UTP20: variants seen among roughly 807,000 people sequenced by gnomAD.
The protein encoded by UTP20 is UTP20 small subunit processome component.
A neutral mutation model predicts 329.5 loss-of-function variants in UTP20; 164 were observed. The ratio of observed to expected loss-of-function variants is 0.50; its 90% CI spans 0.44 to 0.57. UTP20 has a LOEUF of 0.57. Ranked by LOEUF, UTP20 falls within the 20% of genes least tolerant of loss-of-function variation. The pLI, the probability that UTP20 is intolerant of heterozygous loss-of-function variation, is 0.00. For missense variants in UTP20, 3,055 were observed against 3,284.2 expected (o/e 0.93, Z 1.71); for synonymous variants, 1,151 against 1,159.3 (o/e 0.99, Z 0.14).
chr12:101,335,193 A>G (rs1357929619), intron 29 of UTP20, among the ~76,000 whole-genome samples: 1 of 152,176 alleles, frequency 6.6e-6, no homozygotes, highest in African/African-American at 2.4e-5. Context: ...TGAATTTTTT[A>G]TAATAATTAA....
chr12:101,365,856 T>G (rs1427304310), intron 46 of UTP20, among the ~76,000 whole-genome samples: 3 of 152,224 alleles, frequency 2.0e-5, no homozygotes, highest in Non-Finnish European at 4.4e-5. Context: ...TAAAAAGATT[T>G]ATTGATTCAA....
intron 39 of UTP20, 108 bp from the exon 40 acceptor site, chr12:101,352,939 T>A: frequency 1.9e-6 from 1 of 518,580 alleles, no homozygotes. Context: ...TTAAAAATAC[T>A]AATAAAAATA....
intron 35 of UTP20, 136 bp from the exon 36 acceptor site, chr12:101,344,459 T>G: frequency 1.6e-6 from 1 of 620,042 alleles, no homozygotes; most frequent in Non-Finnish European, 2.9e-6. Flanking sequence ...AGGTTTGAAA[T>G]ATTTGTGGGA....
At chr12:101,332,353 A>G (rs1045171203) in intron 27 of UTP20, among the ~76,000 whole-genome samples, 3 of 152,136 alleles carry the variant, frequency 2.0e-5, no homozygotes, top group Non-Finnish European at 4.4e-5. Context: ...GAAAAAAAAG[A>G]AATGTCTTTC....
intron 37 of UTP20, among the ~76,000 whole-genome samples, 181 bp from the exon 38 acceptor site, chr12:101,346,270 T>C (rs1407127719): frequency 6.6e-6 from 1 of 152,166 alleles, no homozygotes; most frequent in Non-Finnish European, 1.5e-5. Flanking sequence ...AGGCTGGTCT[T>C]GAACTCCCGA....
rs765831137 is a variant in UTP20 at position 101,338,114 on chromosome 12, T to G, written c.3705T>G (p.Val1235=). 6 of 1,614,172 alleles carry G rather than the reference T, an allele frequency of 3.7e-6. No individual in the cohort carries two copies. The South Asian group carries it at 4.4e-5, about 12-fold the overall frequency. The change falls in exon 30 of 62, where the codon GTT becomes GTG. Residue 1235 remains valine, a synonymous_variant. Transcript: ENST00000261637. The part of the protein sequence containing the change: ...GHPECDILTN[V]FAILSAKNLS... ...CAGAATGTGATATCCTGACCAATGT[T>G]TTTGCAATTCTCTCAGCGAAGAATC... is the stretch of plus-strand genomic sequence containing the variant.
intron 45 of UTP20, 60 bp from the exon 46 acceptor site, chr12:101,365,399 A>G (rs770105811): frequency 7.6e-7 from 1 of 1,309,582 alleles, no homozygotes; most frequent in African/African-American, 1.5e-5. Flanking sequence ...AACTGCCATT[A>G]TGACAAATCA....
At chr12:101,351,998 C>T in intron 38 of UTP20, 57 bp from the exon 39 acceptor site, 1 of 1,591,450 alleles carries the variant, frequency 6.3e-7, no homozygotes, top group Non-Finnish European at 8.6e-7. Context: ...CTGAGTTAGC[C>T]TTGCATTTTA....
intron 60 of UTP20, among the ~76,000 whole-genome samples, chr12:101,384,852 A>G (rs1413297145): frequency 6.6e-6 from 1 of 152,310 alleles, no homozygotes; most frequent in Non-Finnish European, 1.5e-5. Context: ...GGCTGCTGAC[A>G]AAAGCAGGTT....
At position 101,362,866 on chromosome 12, in the gene UTP20, C is replaced by T. The variant is rs912715531; in HGVS notation, c.5791-710C>T. 7.5e-5 allele frequency among the ~76,000 whole-genome samples: 10 copies of T among 132,748 alleles called. 3 individuals carry two copies. Among genetic ancestry groups the T allele is most frequent in the Admixed American group, 5.6e-4 (8 of 14,236 alleles). The allele number at this position is 132,748 out of a possible 152,430, so 87.1% of individuals were successfully genotyped here. A position where few individuals can be genotyped will look rare whatever the true frequency, so the allele number is the denominator to read the frequency against. ...ATTTACGTTAGGCCAGGCACAATGG[C>T]TCACACCTGTAATCCCAGCACTTTG... On this transcript the variant is annotated intron_variant, in intron 44 of 61. Coordinates refer to ENST00000261637, the MANE Select transcript of UTP20 (RefSeq NM_014503.3).
chr12:101,326,401 C>G (rs1868558617), intron 25 of UTP20, among the ~76,000 whole-genome samples: 1 of 152,188 alleles, frequency 6.6e-6, no homozygotes, highest in Admixed American at 6.5e-5. Context: ...AACTTCATAG[C>G]ATAGAAATTA....
chr12:101,288,056 A>AT (rs1872016738), intron 5 of UTP20, among the ~76,000 whole-genome samples: 1 of 152,140 alleles, frequency 6.6e-6, no homozygotes, highest in Admixed American at 6.5e-5. Context: ...ATCCCTTGCC[A>AT]TTTTGCCTCT....
At position 101,362,001 on chromosome 12, in the gene UTP20, G is replaced by T; in HGVS notation, c.5731G>T (p.Gly1911Cys). 1 of 1,613,700 alleles carries T rather than the reference G, an allele frequency of 6.2e-7. No homozygotes were observed. Among genetic ancestry groups the T allele is most frequent in the Non-Finnish European group, 8.5e-7 (1 of 1,179,796 alleles). The change falls in exon 44 of 62, where the codon GGC becomes TGC. Residue 1911 changes from glycine (G) to cysteine (C), a missense_variant. By Grantham distance (159) the Gly-to-Cys change is radical. This residue lies in a region of UTP20 where 2,445 missense variants were observed against 2,575.5 expected (regional missense o/e 0.95). Transcript: ENST00000261637. ...LTFTVHMLLQGLTNKLQVGDL... is the reference protein window; with the variant it reads ...LTFTVHMLLQCLTNKLQVGDL... The stretch of plus-strand genomic sequence containing the variant: ...TTTCACCGTTCACATGCTGCTGCAA[G>T]GCCTCACCAATAAGCTGCAGGTCGG...
intron 21 of UTP20, 62 bp downstream of exon 21, chr12:101,312,338 A>G (rs1872820458): frequency 4.4e-6 from 7 of 1,573,962 alleles, no homozygotes; most frequent in African/African-American, 1.4e-5. Flanking sequence ...TGTGAGAAGT[A>G]TTAACCTCCC....
At chr12:101,366,447 A>G in intron 46 of UTP20, 111 bp from the exon 47 acceptor site, 1 of 1,376,596 alleles carries the variant, frequency 7.3e-7, no homozygotes, top group Non-Finnish European at 9.9e-7. Flanking sequence ...ACCCAAGCAA[A>G]TGGCACATTA....
At chr12:101,354,280 A>AAAG (rs1555201664) in intron 40 of UTP20, among the ~76,000 whole-genome samples, 2,358 of 133,810 alleles carry the variant, frequency 0.018, 60 homozygotes, top group African/African-American at 0.077. Flanking sequence ...AAAAAAAAAA[A>AAAG]AAAAGAAAAG....
intron 29 of UTP20, among the ~76,000 whole-genome samples, chr12:101,336,929 G>A (rs1423814944): frequency 6.6e-6 from 1 of 152,196 alleles, no homozygotes; most frequent in Admixed American, 6.5e-5. Flanking sequence ...TATCTGAATG[G>A]GCTCTTGCTA....
chr12:101,335,570 A>G (rs994772636), intron 29 of UTP20, among the ~76,000 whole-genome samples: 1 of 152,196 alleles, frequency 6.6e-6, no homozygotes, highest in Non-Finnish European at 1.5e-5. Flanking sequence ...TTTCTAGACC[A>G]TTGTCTTCTT....
At chr12:101,324,444 A>G (rs1868489323) in intron 25 of UTP20, among the ~76,000 whole-genome samples, 1 of 151,816 alleles carries the variant, frequency 6.6e-6, no homozygotes, top group Non-Finnish European at 1.5e-5. Flanking sequence ...TCACCAGCTG[A>G]AAATTTTTGT....
Sources: allele counts gnomAD v4.1 joint callset (sites outside exome capture counted in the v4.1 genomes callset), GRCh38; gene constraint gnomAD v4.1.1; regional missense constraint gnomAD v4.1.1; transcripts MANE v1.5; gene names NCBI Gene and HGNC (gene_info 2026-07-23, HGNC 2026-07-21).